Variants in NRG4 observed in about 807,000 individuals in gnomAD.
The protein encoded by NRG4 is pro-neuregulin-4, membrane-bound isoform.
NRG4 carries 10 observed loss-of-function variants against 15.0 expected under a neutral mutation model. That is an observed-to-expected ratio of 0.67 (90% CI 0.41 to 1.13). The LOEUF is 1.13. NRG4 is among the 50% of genes most tolerant of loss of function. The probability of loss-of-function intolerance (pLI) is 0.00; values close to 1 mark genes in which losing one functional copy is unlikely to be tolerated. For missense variants in NRG4, 139 were observed against 140.2 expected, an observed-to-expected ratio of 0.99 and a Z score of 0.04; for synonymous variants, 41 against 50.1, an observed-to-expected ratio of 0.82 and a Z score of 0.77.
intron 5 of NRG4, among the ~76,000 whole-genome samples, chr15:76,034,619 T>TAAAAAAA (rs3073840): frequency 7.1e-6 from 1 of 141,640 alleles, no homozygotes; most frequent in Non-Finnish European, 1.5e-5. Flanking sequence ...TAACCATAGC[T>TAAAAAAA]AAAAAAAAAA....
intron 4 of NRG4, 96 bp from the exon 5 acceptor site, chr15:75,956,107 T>A: frequency 1.4e-6 from 1 of 695,088 alleles, no homozygotes; most frequent in South Asian, 1.7e-5. Context: ...TTAATTTCCC[T>A]TCTTCCCCCT....
chr15:75,947,416 G>A (rs2031595596), intron 5 of NRG4, among the ~76,000 whole-genome samples: 1 of 152,162 alleles, frequency 6.6e-6, no homozygotes, highest in Non-Finnish European at 1.5e-5. Context: ...ATCCTTATGA[G>A]TAGCCTGCCC....
chr15:75,947,064 C>T (rs1005297790), intron 5 of NRG4, among the ~76,000 whole-genome samples: 4 of 152,180 alleles, frequency 2.6e-5, no homozygotes, highest in Non-Finnish European at 5.9e-5. Context: ...GGCGACCGTG[C>T]TGTCAACACA....
chr15:75,948,775 C>A (rs1688135318), intron 5 of NRG4, among the ~76,000 whole-genome samples: 1 of 152,152 alleles, frequency 6.6e-6, no homozygotes, highest in South Asian at 2.1e-4. Flanking sequence ...TTCAGCTGAG[C>A]ACAGTGGCTC....
intron 3 of NRG4, among the ~76,000 whole-genome samples, chr15:75,981,330 G>C (rs2033599992): frequency 6.6e-6 from 1 of 152,120 alleles, no homozygotes; most frequent in African/African-American, 2.4e-5. Context: ...GCTGAACACA[G>C]CTCCTGAGTA....
At position 76,012,301 on chromosome 15, in the gene NRG4, C is replaced by T. The variant is rs3764189; in HGVS notation, c.-57+18G>A. 34,996 of 152,094 alleles carry T rather than the reference C, an allele frequency of 0.23. 4,857 individuals carry two copies. Among genetic ancestry groups the T allele is most frequent in the Non-Finnish European group, 0.31 (21,001 of 67,986 alleles). The allele number at this position is 152,094 out of a possible 1,614,324, so 9.4% of individuals were successfully genotyped here. On this transcript the variant is annotated intron_variant, in intron 1 of 5. Coordinates refer to ENST00000394907, the MANE Select transcript of NRG4 (RefSeq NM_138573.4). ...CTTTTTTCCAAACAAACAGGACTTACCCTCAATAAAAACTTACATTCACAC... is the reference window on the plus strand; with the variant it reads ...CTTTTTTCCAAACAAACAGGACTTATCCTCAATAAAAACTTACATTCACAC...
At chr15:76,001,654 T>TA (rs1279219596) in intron 3 of NRG4, among the ~76,000 whole-genome samples, 1 of 152,238 alleles carries the variant, frequency 6.6e-6, no homozygotes, top group Non-Finnish European at 1.5e-5. Context: ...AATGGGAGGT[T>TA]AAAATACGCA....
upstream of NRG4, among the ~76,000 whole-genome samples, chr15:76,016,186 G>A (rs1285694081): frequency 6.6e-6 from 1 of 151,970 alleles, no homozygotes; most frequent in Non-Finnish European, 1.5e-5. Context: ...TGGGATCAGT[G>A]GTAATATCCC....
At chr15:76,047,911 C>T (rs1280328239) in intron 4 of NRG4, among the ~76,000 whole-genome samples, 5 of 151,034 alleles carry the variant, frequency 3.3e-5, no homozygotes, top group Non-Finnish European at 7.4e-5. Flanking sequence ...ATCCCAGCTA[C>T]TTGGGAGGCT....
chr15:75,972,219 G>C (rs193134192), intron 3 of NRG4, among the ~76,000 whole-genome samples: 1 of 151,726 alleles, frequency 6.6e-6, no homozygotes, highest in Non-Finnish European at 1.5e-5. Context: ...TGGGGTTGTT[G>C]GTTTTTTTCT....
chr15:76,003,437 G>A (rs1435760423), intron 3 of NRG4, among the ~76,000 whole-genome samples: 1 of 151,934 alleles, frequency 6.6e-6, no homozygotes, highest in African/African-American at 2.4e-5. Flanking sequence ...GAGCCTAAGG[G>A]TCCCATGGGA....
chr15:76,050,423 C>T (rs935292006), intron 4 of NRG4, among the ~76,000 whole-genome samples: 1 of 147,478 alleles, frequency 6.8e-6, no homozygotes, highest in Admixed American at 6.7e-5. Flanking sequence ...GCATTATTGT[C>T]ACCCCGAGCC....
chr15:75,968,089 G>T (rs17428804), intron 3 of NRG4, among the ~76,000 whole-genome samples: 11,192 of 152,220 alleles, frequency 0.074, 562 homozygotes, highest in Middle Eastern at 0.14. Context: ...GTGTGCATTC[G>T]CTAGTCTTTT....
At chr15:76,001,327 G>A (rs536341316) in intron 3 of NRG4, among the ~76,000 whole-genome samples, 14 of 151,864 alleles carry the variant, frequency 9.2e-5, no homozygotes, top group Non-Finnish European at 1.9e-4. Flanking sequence ...GAAAAAAACC[G>A]AAAAGGGTGA....
intron 3 of NRG4, among the ~76,000 whole-genome samples, chr15:75,990,616 C>A (rs1189621408): frequency 1.3e-5 from 2 of 150,836 alleles, no homozygotes; most frequent in Non-Finnish European, 2.9e-5. Flanking sequence ...TCTGTAGGTT[C>A]ATCTGTACTC....
At chr15:76,029,221 C>T (rs1475022995) in intron 5 of NRG4, among the ~76,000 whole-genome samples, 2 of 152,090 alleles carry the variant, frequency 1.3e-5, no homozygotes, top group African/African-American at 4.8e-5. Context: ...TCAACAGGTG[C>T]AGAAAAGAGC....
chr15:75,947,660 A>C (rs1161327599), intron 5 of NRG4, among the ~76,000 whole-genome samples: 1 of 152,168 alleles, frequency 6.6e-6, no homozygotes, highest in African/African-American at 2.4e-5. Context: ...TATACCCAGG[A>C]GTGGAATTGC....
intron 5 of NRG4, among the ~76,000 whole-genome samples, chr15:76,028,903 C>CAAAA (rs34533266): frequency 5.5e-5 from 3 of 54,274 alleles, no homozygotes; most frequent in African/African-American, 1.3e-4. Context: ...ACTCCTCCTC[C>CAAAA]AAAAAAAAAA....
At chr15:76,014,934 C>A (rs1478074509), upstream of NRG4, among the ~76,000 whole-genome samples, 1 of 152,100 alleles carries the variant, frequency 6.6e-6, no homozygotes, top group Non-Finnish European at 1.5e-5. Context: ...TTACTTTGGG[C>A]AGTATAGCCA....
Sources: allele counts gnomAD v4.1 joint callset (sites outside exome capture counted in the v4.1 genomes callset), GRCh38; gene constraint gnomAD v4.1.1; transcripts MANE v1.5; gene names NCBI Gene and HGNC (gene_info 2026-07-23, HGNC 2026-07-21).